The following DAPL1 variants were observed in gnomAD, a reference collection of about 807,000 sequenced individuals.
The protein encoded by DAPL1 is death associated protein like 1, also known as death-associated protein-like 1.
DAPL1 carries 17 observed loss-of-function variants against 12.9 expected under a neutral mutation model. The observed-to-expected ratio is 1.32, with a 90% CI of 0.90 to 1.98. The LOEUF (loss-of-function observed/expected upper bound fraction) is 1.98, where lower values mean the gene tolerates loss of function less well. Ranked by LOEUF, DAPL1 falls within the 30% of genes most tolerant of loss-of-function variation. DAPL1 has a pLI of 0.00. For synonymous variants in DAPL1, 51 were observed against 42.0 expected (o/e 1.21, Z -0.82); for missense variants, 157 against 125.7 (o/e 1.25, Z -1.19).
chr2:158,812,536 A>C (rs2102749), intron 3 of DAPL1, among the ~76,000 whole-genome samples: 136,233 of 152,222 alleles, frequency 0.89, 61,097 homozygotes, highest in Middle Eastern at 0.93. Context: ...GCTCATAACT[A>C]GAATCCTAGC....
At chr2:158,813,838 G>A (rs141968768) in intron 3 of DAPL1, among the ~76,000 whole-genome samples, 2,135 of 151,950 alleles carry the variant, frequency 0.014, 24 homozygotes, top group African/African-American at 0.036. Context: ...TGCAGGTGTG[G>A]GCCACCGAGC....
chr2:158,806,091 G>C lies in DAPL1; in HGVS notation c.147-964G>C, dbSNP rs754802386. Among the ~76,000 whole-genome samples the C allele has an allele frequency of 1.3e-5, 2 of 148,416 alleles. 1 individual carries two copies. Among genetic ancestry groups the C allele is most frequent in the Non-Finnish European group, 3.0e-5 (2 of 66,258 alleles). On this transcript the variant is annotated intron_variant, in intron 2 of 3. Transcript: ENST00000309950. ...CAGGGCATGTGCACAGGATAGGAAA[G>C]CCTTGTTTTCATGGACAAACACTCC...
At chr2:158,801,714 T>C (rs1040252382) in intron 1 of DAPL1, among the ~76,000 whole-genome samples, 3 of 152,174 alleles carry the variant, frequency 2.0e-5, no homozygotes, top group Non-Finnish European at 4.4e-5. Context: ...AATGCAGGAA[T>C]GGTTGAATAG....
rs192152738 is a variant in DAPL1 at position 158,805,670 on chromosome 2, G to A, written c.146+1301G>A. 1.3e-3 allele frequency among the ~76,000 whole-genome samples: 194 copies of A among 148,562 alleles called. 7 individuals are homozygous for A. The South Asian group carries it at 0.025, about 19-fold the overall frequency. ...CAAAGGACAGGTCATTCATTTCTCT[G>A]CATCTCAGAAAAATGGGACTTACTA... On this transcript the variant is annotated intron_variant, in intron 2 of 3. Coordinates refer to ENST00000309950, the MANE Select transcript of DAPL1 (RefSeq NM_001017920.3).
Position 158,795,347 on chromosome 2 carries a change from C to T in DAPL1, c.-26C>T. 2 of 1,551,936 alleles carry T rather than the reference C, an allele frequency of 1.3e-6. No homozygotes were observed. Among genetic ancestry groups the T allele is most frequent in the East Asian group, 2.4e-5 (1 of 40,972 alleles). ...TGGCATTCAGCCTCCAGAGCACCAG[C>T]ACTGGCACTGGCACTGGCACACGCT... is the stretch of plus-strand genomic sequence containing the variant. On this transcript the variant is annotated 5_prime_UTR_variant, in exon 1 of 4. Coordinates refer to ENST00000309950, the MANE Select transcript of DAPL1 (RefSeq NM_001017920.3).
At chr2:158,807,152 A>G (rs997382456) in intron 3 of DAPL1, 37 bp downstream of exon 3, 9 of 1,552,852 alleles carry the variant, frequency 5.8e-6, no homozygotes, top group Middle Eastern at 1.7e-4. Flanking sequence ...CTCCAAGTCA[A>G]TCTGCCCAGT....
intron 3 of DAPL1, among the ~76,000 whole-genome samples, chr2:158,809,818 G>A (rs986167523): frequency 2.0e-5 from 3 of 152,134 alleles, no homozygotes; most frequent in East Asian, 1.9e-4. Flanking sequence ...TCTCAAAAAC[G>A]AACATTGGTA....
intron 1 of DAPL1, among the ~76,000 whole-genome samples, chr2:158,799,460 G>A (rs2059153484): frequency 6.6e-6 from 1 of 151,960 alleles, no homozygotes; most frequent in Non-Finnish European, 1.5e-5. Flanking sequence ...AGCAAAATGA[G>A]CAAGAACCTG....
intron 1 of DAPL1, among the ~76,000 whole-genome samples, chr2:158,801,570 T>C (rs1193671868): frequency 6.6e-6 from 1 of 152,210 alleles, no homozygotes; most frequent in Non-Finnish European, 1.5e-5. Flanking sequence ...AATTTATGTA[T>C]ATAAAGAATG....
In DAPL1 at chr2:158,807,048, T is replaced by C; in HGVS notation, c.147-7T>C. 1 of 1,612,026 alleles carries C rather than the reference T, an allele frequency of 6.2e-7. No individual in the cohort carries two copies. The highest frequency in any genetic ancestry group is 8.5e-7 in the Non-Finnish European group (1 of 1,178,582). ...GTCCTGTTCAAAGTTTCTTTTCATC[T>C]TCACAGTGCCATTGCAAATGTTGCC... On this transcript the variant is annotated splice_region_variant and splice_polypyrimidine_tract_variant and intron_variant, in intron 2 of 3. Coordinates refer to ENST00000309950, the MANE Select transcript of DAPL1 (RefSeq NM_001017920.3).
At chr2:158,810,343 C>T (rs1343946978) in intron 3 of DAPL1, among the ~76,000 whole-genome samples, 1 of 152,130 alleles carries the variant, frequency 6.6e-6, no homozygotes. Flanking sequence ...TTGAGAGTCA[C>T]ATCCTCTGCA....
intron 2 of DAPL1, among the ~76,000 whole-genome samples, chr2:158,804,746 T>A (rs545614977): frequency 6.6e-6 from 1 of 152,382 alleles, no homozygotes; most frequent in Admixed American, 6.5e-5. Context: ...TTTCATAATA[T>A]GCTTTCTGCT....
chr2:158,795,452 G>T, intron 1 of DAPL1, 22 bp downstream of exon 1: 4 of 1,552,726 alleles, frequency 2.6e-6, no homozygotes, highest in Non-Finnish European at 3.5e-6. Context: ...CCTGCCCTCA[G>T]TCCTGCAGGC....
rs562652193 is a variant in DAPL1 at position 158,800,042 on chromosome 2, G to A, written c.59-4240G>A. Among the ~76,000 whole-genome samples, 28 of 139,006 alleles carry A rather than the reference G, an allele frequency of 2.0e-4. No individual in the cohort carries two copies. In the South Asian group the frequency reaches 4.9e-3, roughly 25 times the overall value. 91.2% of individuals were successfully genotyped at this position (139,006 alleles called of 152,430 possible). A position where few individuals can be genotyped will look rare whatever the true frequency, so the allele number is the denominator to read the frequency against. ...TCGCTCCATGGCACTCCAGCCTGGC[G>A]ACAGAGCGAGACTCCATCTCAAAAA... On this transcript the variant is annotated intron_variant, in intron 1 of 3. Transcript: ENST00000309950.
intron 3 of DAPL1, among the ~76,000 whole-genome samples, chr2:158,811,258 G>A (rs192824761): frequency 1.3e-5 from 2 of 152,266 alleles, no homozygotes; most frequent in East Asian, 3.9e-4. Flanking sequence ...AATTTTAAAA[G>A]GCTTCTCTTG....
At chr2:158,811,581 T>C (rs2059230625) in intron 3 of DAPL1, among the ~76,000 whole-genome samples, 1 of 152,202 alleles carries the variant, frequency 6.6e-6, no homozygotes, top group African/African-American at 2.4e-5. Flanking sequence ...AGGTCGCAGC[T>C]ACCCAAGATG....
chr2:158,804,424 TC>T, intron 2 of DAPL1, 55 bp downstream of exon 2: 1 of 1,314,550 alleles, frequency 7.6e-7, no homozygotes, highest in Non-Finnish European at 1.1e-6. Flanking sequence ...TGACTCTGCC[TC>T]CAGGAGTTAT....
In DAPL1 at chr2:158,815,735, A is replaced by G. The variant is rs1208363057; in HGVS notation, c.238A>G (p.Met80Val). 1 of 1,613,804 alleles carries G rather than the reference A, an allele frequency of 6.2e-7. No homozygotes were observed. Among genetic ancestry groups the G allele is most frequent in the Non-Finnish European group, 8.5e-7 (1 of 1,179,802 alleles). ...LNYKFPATVH[M>V]AHQKPTPALE... ...CTATAAATTTCCAGCAACAGTGCAC[A>G]TGGCGCATCAAAAACCCACACCTGC... is the stretch of plus-strand genomic sequence containing the variant. The change falls in exon 4 of 4, where the codon ATG becomes GTG. Residue 80 changes from methionine to valine, a missense_variant. By Grantham distance (21) the Met-to-Val change is conservative. Transcript: ENST00000309950.
chr2:158,814,069 A>C (rs2059247359), intron 3 of DAPL1, among the ~76,000 whole-genome samples: 1 of 152,022 alleles, frequency 6.6e-6, no homozygotes, highest in African/African-American at 2.4e-5. Flanking sequence ...TTTTCTTCCT[A>C]CCTGCAATCT....
Sources: allele counts gnomAD v4.1 joint callset (sites outside exome capture counted in the v4.1 genomes callset), GRCh38; gene constraint gnomAD v4.1.1; transcripts MANE v1.5; gene names NCBI Gene and HGNC (gene_info 2026-07-23, HGNC 2026-07-21).